The following FGF14 variants were observed in gnomAD, a reference collection of about 807,000 sequenced individuals.
FGF14 encodes the protein fibroblast growth factor 14.
FGF14 carries 5 observed loss-of-function variants against 25.5 expected under a neutral mutation model. The observed-to-expected ratio is 0.20, with a 90% confidence interval of 0.10 to 0.41. The LOEUF is 0.41. FGF14 is among the 10% of genes least tolerant of loss of function. The probability of loss-of-function intolerance (pLI) is 1.00; values close to 1 mark genes in which losing one functional copy is unlikely to be tolerated. For synonymous variants in FGF14, 138 were observed against 118.3 expected (o/e 1.17, Z -1.08); for missense variants, 222 against 320.1 (o/e 0.69, Z 2.34).
intron 1 of FGF14, among the ~76,000 whole-genome samples, chr13:102,386,402 G>A (rs2058304349): frequency 6.6e-6 from 1 of 152,112 alleles, no homozygotes; most frequent in Non-Finnish European, 1.5e-5. Context: ...AAAGTGCTGG[G>A]ATTACAGGTG....
chr13:102,236,558 G>A (rs1433469133), intron 1 of FGF14, among the ~76,000 whole-genome samples: 1 of 152,144 alleles, frequency 6.6e-6, no homozygotes, highest in Non-Finnish European at 1.5e-5. Context: ...AAGCCAAACA[G>A]TACAAGTGAG....
chr13:101,978,681 T>C (rs2038074260), intron 1 of FGF14, among the ~76,000 whole-genome samples: 1 of 152,216 alleles, frequency 6.6e-6, no homozygotes, highest in Admixed American at 6.5e-5. Flanking sequence ...TAGGCATTTA[T>C]GGAAAACAAT....
chr13:102,269,932 C>G (rs1013905877), intron 1 of FGF14, among the ~76,000 whole-genome samples: 1 of 152,150 alleles, frequency 6.6e-6, no homozygotes, highest in African/African-American at 2.4e-5. Context: ...TGACCAGGAG[C>G]TTTGCATCTC....
chr13:102,297,826 G>A (rs2054807620), intron 1 of FGF14, among the ~76,000 whole-genome samples: 2 of 151,968 alleles, frequency 1.3e-5, no homozygotes, highest in South Asian at 4.2e-4. Flanking sequence ...ATCCCAGGAA[G>A]TCATTAATGA....
At chr13:101,953,734 G>C (rs1021840416) in intron 1 of FGF14, among the ~76,000 whole-genome samples, 1 of 151,736 alleles carries the variant, frequency 6.6e-6, no homozygotes, top group Non-Finnish European at 1.5e-5. Flanking sequence ...GGGATTACAG[G>C]CACGTGCCAA....
chr13:101,973,000 C>T (rs923788461), intron 1 of FGF14, among the ~76,000 whole-genome samples: 23 of 152,230 alleles, frequency 1.5e-4, no homozygotes, highest in Admixed American at 1.4e-3. Flanking sequence ...TGTTGACTTG[C>T]TCGGTGGATT....
intron 3 of FGF14, among the ~76,000 whole-genome samples, chr13:101,754,189 G>A (rs1479968865): frequency 6.6e-6 from 1 of 152,126 alleles, no homozygotes; most frequent in African/African-American, 2.4e-5. Context: ...AGCTGCTGGG[G>A]CTCCTAGGGG....
chr13:101,970,907 C>T (rs1029468221), intron 1 of FGF14, among the ~76,000 whole-genome samples: 9 of 152,180 alleles, frequency 5.9e-5, no homozygotes, highest in South Asian at 2.1e-4. Context: ...CTTGAAGCCC[C>T]TATTTCTCTC....
At chr13:101,945,891 C>T (rs1408469266) in intron 1 of FGF14, among the ~76,000 whole-genome samples, 1 of 152,168 alleles carries the variant, frequency 6.6e-6, no homozygotes, top group Non-Finnish European at 1.5e-5. Context: ...TTTAATTGAC[C>T]TCAAGTCTCA....
intron 1 of FGF14, among the ~76,000 whole-genome samples, chr13:102,268,774 A>G (rs955086301): frequency 8.5e-5 from 13 of 152,270 alleles, no homozygotes; most frequent in Admixed American, 2.6e-4. Flanking sequence ...ATGAGGGGAA[A>G]ACATGTTATA....
intron 1 of FGF14, among the ~76,000 whole-genome samples, chr13:101,891,455 T>TC (rs2046262844): frequency 6.6e-6 from 1 of 152,194 alleles, no homozygotes; most frequent in African/African-American, 2.4e-5. Context: ...CTCTTTCTGG[T>TC]CCTCATAGTC....
chr13:101,962,329 G>A (rs1170848634), intron 1 of FGF14, among the ~76,000 whole-genome samples: 1 of 152,150 alleles, frequency 6.6e-6, no homozygotes, highest in African/African-American at 2.4e-5. Context: ...AATTGTGAAT[G>A]GGAGTTCATT....
At chr13:101,855,332 AATGTCAAAACTATTTT>A (rs2044071202) in intron 3 of FGF14, among the ~76,000 whole-genome samples, 1 of 152,050 alleles carries the variant, frequency 6.6e-6, no homozygotes, top group South Asian at 2.1e-4. Flanking sequence ...TCACTTTTTA[AATGTCAAAACTATTTT>A]AAAGTACCAA....
intron 1 of FGF14, among the ~76,000 whole-genome samples, chr13:102,239,429 T>A (rs921036307): frequency 6.6e-6 from 1 of 152,190 alleles, no homozygotes. Context: ...TACTTCTGGG[T>A]TGGGCATTCC....
intron 1 of FGF14, among the ~76,000 whole-genome samples, chr13:102,084,131 C>T (rs995396089): frequency 1.3e-5 from 2 of 152,056 alleles, no homozygotes; most frequent in African/African-American, 4.8e-5. Context: ...GGTGAAGTCC[C>T]TCATAATTGC....
intron 1 of FGF14, among the ~76,000 whole-genome samples, chr13:102,247,123 A>G (rs961064530): frequency 6.6e-6 from 1 of 152,144 alleles, no homozygotes; most frequent in South Asian, 2.1e-4. Flanking sequence ...ATCAAAAACT[A>G]TAATAACCCT....
intron 1 of FGF14, among the ~76,000 whole-genome samples, chr13:101,943,826 A>ATATATATATATATATATATATATAT (rs1248619839): frequency 2.4e-5 from 3 of 126,808 alleles, no homozygotes; most frequent in African/African-American, 1.0e-4. Context: ...AAAAAAAAAA[A>ATATATATATATATATATATATATAT]ATATATATAT....
chr13:102,215,468 T>C lies in FGF14; in HGVS notation c.208+186003A>G, dbSNP rs17589433. Among the ~76,000 whole-genome samples, 1,117 of 152,306 alleles carry C rather than the reference T, an allele frequency of 7.3e-3. 7 individuals carry two copies. The highest frequency in any genetic ancestry group is 0.012 in the Non-Finnish European group (804 of 68,014). On this transcript the variant is annotated intron_variant, in intron 1 of 4. Coordinates refer to the FGF14 transcript ENST00000376131. ...AATCTGACATATGTTTCAGGCAAAT[T>C]GGCTCAGAACTCAGAAAAGGTAAAA...
intron 1 of FGF14, among the ~76,000 whole-genome samples, chr13:102,258,586 A>G (rs894100344): frequency 6.6e-6 from 1 of 152,056 alleles, no homozygotes; most frequent in African/African-American, 2.4e-5. Context: ...TGGGGACGGG[A>G]GCCCATGAGA....
Sources: gnomAD v4.1 joint callset for allele counts (sites outside exome capture counted in the v4.1 genomes callset) on GRCh38, gnomAD v4.1.1 for gene constraint, MANE v1.5 for transcripts, NCBI Gene and HGNC (gene_info 2026-07-23, HGNC 2026-07-21) for gene names.